CPQ: variants seen among roughly 807,000 people sequenced by gnomAD.
The protein encoded by CPQ is Ser-Met dipeptidase.
In CPQ, 37 loss-of-function variants were observed where a neutral mutation model predicts 45.7. The ratio of observed to expected loss-of-function variants is 0.81; its 90% CI spans 0.62 to 1.07. The LOEUF is 1.07. Ranked by LOEUF, CPQ falls within the 50% of genes least tolerant of loss-of-function variation. The pLI is 0.00. For synonymous variants in CPQ, 186 were observed against 205.8 expected, an observed-to-expected ratio of 0.90 and a Z score of 0.82; for missense variants, 537 against 572.9, an observed-to-expected ratio of 0.94 and a Z score of 0.64.
chr8:96,868,215 T>C (rs1033490604), intron 3 of CPQ, among the ~76,000 whole-genome samples: 2 of 152,002 alleles, frequency 1.3e-5, no homozygotes, highest in Non-Finnish European at 2.9e-5. Flanking sequence ...GAGAAGAAAA[T>C]GAAACTTTGT....
Position 96,844,155 on chromosome 8 carries a change from T to C in CPQ, c.641+8975T>C, listed in dbSNP as rs543857193. Among the ~76,000 whole-genome samples the C allele has an allele frequency of 5.2e-4, 79 of 152,376 alleles. 1 individual carries two copies. In the South Asian group the frequency reaches 0.016, roughly 31 times the overall value. On this transcript the variant is annotated intron_variant, in intron 3 of 7. Coordinates refer to ENST00000220763, the MANE Select transcript of CPQ (RefSeq NM_016134.4). ...GCATTTTGAATTCAGGCTTCAGGATTAAGGCAATGTTGTTTGCTTATGCAG... is the reference window on the plus strand; with the variant it reads ...GCATTTTGAATTCAGGCTTCAGGATCAAGGCAATGTTGTTTGCTTATGCAG...
At chr8:97,025,446 A>G (rs1362341400) in intron 5 of CPQ, among the ~76,000 whole-genome samples, 1 of 152,156 alleles carries the variant, frequency 6.6e-6, no homozygotes, top group Admixed American at 6.6e-5. Flanking sequence ...CGTCTCTGGC[A>G]ACTTCTATAT....
At chr8:96,801,929 TATA>T (rs1811011778) in intron 2 of CPQ, among the ~76,000 whole-genome samples, 1 of 152,204 alleles carries the variant, frequency 6.6e-6, no homozygotes, top group African/African-American at 2.4e-5. Context: ...ATTAATAGGT[TATA>T]ATAAGTATTG....
intron 4 of CPQ, among the ~76,000 whole-genome samples, chr8:96,907,861 TG>T (rs1354247570): frequency 1.3e-5 from 2 of 152,182 alleles, no homozygotes; most frequent in African/African-American, 4.8e-5. Flanking sequence ...AGGAAAATGT[TG>T]GCAGAAGTGC....
At chr8:96,852,098 C>T (rs1257501497) in intron 3 of CPQ, among the ~76,000 whole-genome samples, 1 of 152,216 alleles carries the variant, frequency 6.6e-6, no homozygotes, top group African/African-American at 2.4e-5. Context: ...CCCATATTGG[C>T]AGCTTCCCAA....
chr8:97,123,023 A>T (rs868501891), intron 7 of CPQ, among the ~76,000 whole-genome samples: 1,873 of 21,140 alleles, frequency 0.089, 262 homozygotes, highest in East Asian at 0.28. Flanking sequence ...ATAAAATAAA[A>T]TAAATAAAAT....
intron 1 of CPQ, among the ~76,000 whole-genome samples, chr8:96,678,528 C>T (rs1809104910): frequency 6.6e-6 from 1 of 152,030 alleles, no homozygotes; most frequent in Admixed American, 6.6e-5. Flanking sequence ...TTTAGATTCC[C>T]ACCAACAGTA....
chr8:96,748,481 C>A (rs1389711214), intron 1 of CPQ, among the ~76,000 whole-genome samples: 2 of 151,950 alleles, frequency 1.3e-5, no homozygotes, highest in African/African-American at 4.8e-5. Context: ...TAGTTAACTT[C>A]ATTGTACGAT....
rs368138900 is a variant in CPQ at position 96,727,591 on chromosome 8, C to T, written c.-34-57273C>T. On this transcript the variant is annotated intron_variant, in intron 1 of 7. Transcript: ENST00000220763. ...CTTTAAAATCCCTAGCTTGCACCTA[C>T]ATGTTGAGGAAAGATAACTCTTAGG... Among the ~76,000 whole-genome samples the T allele has an allele frequency of 9.2e-5, 14 of 152,336 alleles. No individual in the cohort carries two copies. In the East Asian group the frequency reaches 2.1e-3, roughly 23 times the overall value.
At chr8:96,881,465 C>G (rs943675376) in intron 4 of CPQ, among the ~76,000 whole-genome samples, 2 of 152,288 alleles carry the variant, frequency 1.3e-5, no homozygotes, top group Middle Eastern at 3.4e-3. Context: ...TCATGAGAAA[C>G]AGCCTGTATA....
chr8:96,759,192 TCTC>T (rs1430514502), intron 1 of CPQ, among the ~76,000 whole-genome samples: 2 of 152,134 alleles, frequency 1.3e-5, no homozygotes, highest in African/African-American at 4.8e-5. Context: ...ATGGGTTTGT[TCTC>T]CTGCTCACCT....
At chr8:96,724,390 T>C (rs982117851) in intron 1 of CPQ, among the ~76,000 whole-genome samples, 1 of 151,970 alleles carries the variant, frequency 6.6e-6, no homozygotes, top group African/African-American at 2.4e-5. Flanking sequence ...AATGTGGTGG[T>C]ATTTAGAGGT....
chr8:96,710,170 T>C (rs1385962558), intron 1 of CPQ, among the ~76,000 whole-genome samples: 1 of 152,140 alleles, frequency 6.6e-6, no homozygotes, highest in Non-Finnish European at 1.5e-5. Flanking sequence ...TTCTAGTTTA[T>C]GTGCATAGAA....
intron 7 of CPQ, among the ~76,000 whole-genome samples, chr8:97,096,078 T>G (rs1811206641): frequency 6.6e-6 from 1 of 152,176 alleles, no homozygotes; most frequent in Admixed American, 6.5e-5. Flanking sequence ...ATGATGATGA[T>G]GATAGCTACA....
chr8:96,826,800 C>T (rs1241702382), intron 2 of CPQ, among the ~76,000 whole-genome samples: 2 of 151,920 alleles, frequency 1.3e-5, no homozygotes, highest in Non-Finnish European at 2.9e-5. Context: ...CCTCAACAGG[C>T]CTCAGTGTGT....
intron 7 of CPQ, among the ~76,000 whole-genome samples, chr8:97,115,569 T>A (rs1284279072): frequency 6.6e-6 from 1 of 152,240 alleles, no homozygotes; most frequent in Non-Finnish European, 1.5e-5. Flanking sequence ...GTGCCATTTT[T>A]AAATTTGTTC....
At chr8:96,779,063 C>CAAA (rs561557208) in intron 1 of CPQ, among the ~76,000 whole-genome samples, 3 of 57,018 alleles carry the variant, frequency 5.3e-5, no homozygotes, top group African/African-American at 6.2e-5. Flanking sequence ...ACTCCATCTC[C>CAAA]AAAAAAAAAA....
At chr8:96,862,550 A>G (rs1811940104) in intron 3 of CPQ, among the ~76,000 whole-genome samples, 1 of 152,076 alleles carries the variant, frequency 6.6e-6, no homozygotes, top group Non-Finnish European at 1.5e-5. Context: ...TTGGAAAGCC[A>G]TTGAAGACTT....
intron 4 of CPQ, among the ~76,000 whole-genome samples, chr8:96,911,641 C>T (rs1812665676): frequency 6.6e-6 from 1 of 152,222 alleles, no homozygotes; most frequent in Non-Finnish European, 1.5e-5. Flanking sequence ...TCAGGGCCCA[C>T]TCTATAAAGC....
Sources: allele counts gnomAD v4.1 joint callset (sites outside exome capture counted in the v4.1 genomes callset), GRCh38; gene constraint gnomAD v4.1.1; transcripts MANE v1.5; gene names NCBI Gene and HGNC (gene_info 2026-07-23, HGNC 2026-07-21).